The following STK17A variants were observed in gnomAD, a reference collection of about 807,000 sequenced individuals.
STK17A encodes the protein serine/threonine kinase 17a, also known as serine/threonine-protein kinase 17A.
A neutral mutation model predicts 43.7 loss-of-function variants in STK17A; 26 were observed. The observed-to-expected ratio is 0.60, with a 90% CI of 0.44 to 0.83. The LOEUF is 0.83. STK17A is among the 40% of genes least tolerant of loss of function. STK17A has a pLI of 0.00. For missense variants in STK17A, 476 were observed against 511.6 expected (o/e 0.93, Z 0.67); for synonymous variants, 191 against 182.5 (o/e 1.05, Z -0.38).
intron 3 of STK17A, among the ~76,000 whole-genome samples, chr7:43,610,536 G>A (rs186105892): frequency 2.7e-4 from 41 of 151,558 alleles, no homozygotes; most frequent in South Asian, 1.0e-3. Context: ...GTGTGGTGGC[G>A]CACGCCTATA....
intron 1 of STK17A, among the ~76,000 whole-genome samples, chr7:43,595,612 T>C (rs191838911): frequency 6.6e-6 from 1 of 152,224 alleles, no homozygotes; most frequent in East Asian, 1.9e-4. Flanking sequence ...TCATTTTATG[T>C]ATAAATGTGC....
chr7:43,624,127 A>G (rs1195208487), intron 6 of STK17A, among the ~76,000 whole-genome samples: 1 of 152,220 alleles, frequency 6.6e-6, no homozygotes, highest in Non-Finnish European at 1.5e-5. Flanking sequence ...ACCATACCTC[A>G]GTATAACAGG....
intron 2 of STK17A, among the ~76,000 whole-genome samples, chr7:43,600,252 A>G (rs937780791): frequency 1.3e-5 from 2 of 152,186 alleles, no homozygotes; most frequent in Non-Finnish European, 2.9e-5. Flanking sequence ...ACCTACCATG[A>G]TGCACCTAGC....
At chr7:43,613,512 C>CT (rs2083065091) in intron 3 of STK17A, among the ~76,000 whole-genome samples, 1 of 152,160 alleles carries the variant, frequency 6.6e-6, no homozygotes, top group Non-Finnish European at 1.5e-5. Flanking sequence ...GATTCTATCA[C>CT]TAACTTTTCC....
intron 1 of STK17A, among the ~76,000 whole-genome samples, chr7:43,592,528 A>C (rs1563143635): frequency 6.6e-6 from 1 of 152,234 alleles, no homozygotes; most frequent in East Asian, 1.9e-4. Context: ...GTAGTCTAGA[A>C]TGCTAGATCA....
rs75034758 is a variant in STK17A at position 43,606,887 on chromosome 7, A to G, written c.420-1369A>G. Among the ~76,000 whole-genome samples the G allele has an allele frequency of 5.6e-3, 807 of 143,518 alleles. 8 individuals are homozygous for G. The highest frequency in any genetic ancestry group is 0.02 in the African/African-American group (769 of 38,378). 94.2% of individuals were successfully genotyped at this position (143,518 alleles called of 152,430 possible). Reference sequence around the variant, plus strand: ...TTTGAGAGGAATGAATGTCATCTTAATGGTCACTCAATCTAGCTTTTCGAT... The same window carrying G: ...TTTGAGAGGAATGAATGTCATCTTAGTGGTCACTCAATCTAGCTTTTCGAT... On this transcript the variant is annotated intron_variant, in intron 2 of 6. Coordinates refer to ENST00000319357, the MANE Select transcript of STK17A (RefSeq NM_004760.3).
In STK17A at chr7:43,623,605, T is replaced by A; in HGVS notation, c.725T>A (p.Met242Lys). The change falls in exon 5 of 7, where the codon ATG (methionine) becomes AAG (lysine). Residue 242 changes from methionine to lysine, a missense_variant. Around this residue, in one of 3 missense-constraint regions of STK17A, gnomAD observed 320 missense variants for 326.3 expected, o/e 0.98. Coordinates refer to ENST00000319357, the MANE Select transcript of STK17A (RefSeq NM_004760.3). ...PEILSYDPIS[M>K]ATDMWSIGVL... ...ATTCTTAGTTATGATCCTATAAGCATGGCAACAGATATGTGGTAAGAGTTA... is the reference window on the plus strand; with the variant it reads ...ATTCTTAGTTATGATCCTATAAGCAAGGCAACAGATATGTGGTAAGAGTTA... 6.2e-7 allele frequency: 1 copy of A among 1,611,580 alleles called. No homozygotes were observed. The highest frequency in any genetic ancestry group is 2.2e-5 in the East Asian group (1 of 44,728).
At chr7:43,623,511 T>A (rs2084141872) in intron 4 of STK17A, 61 bp from the exon 5 acceptor site, 1 of 1,452,654 alleles carries the variant, frequency 6.9e-7, no homozygotes, top group Non-Finnish European at 9.5e-7. Flanking sequence ...TTTTATCTCT[T>A]AGAGCAAATT....
At chr7:43,622,994 A>C (rs2084079673) in intron 4 of STK17A, 1 of 151,986 alleles carries the variant, frequency 6.6e-6, no homozygotes, top group South Asian at 2.1e-4. Flanking sequence ...AAAGCATATT[A>C]TTTTTCTCAA....
intron 1 of STK17A, 53 bp from the exon 2 acceptor site, chr7:43,595,848 C>T: frequency 6.5e-7 from 1 of 1,531,396 alleles, no homozygotes; most frequent in South Asian, 1.2e-5. Flanking sequence ...TTGAAATCTG[C>T]CATCTCTGGA....
At position 43,587,019 on chromosome 7, in the gene STK17A, G is replaced by C. The variant is rs929515992; in HGVS notation, c.206+3570G>C. On this transcript the variant is annotated intron_variant, in intron 1 of 6. Transcript: ENST00000319357. Reference sequence around the variant, plus strand: ...TTTAAAAGTCTTGTGAGAGATAACAGAGCTGGGACTCCTGACTTTGAAATC... The same window carrying C: ...TTTAAAAGTCTTGTGAGAGATAACACAGCTGGGACTCCTGACTTTGAAATC... Among the ~76,000 whole-genome samples, 39 of 151,328 alleles carry C rather than the reference G, an allele frequency of 2.6e-4. 2 individuals are homozygous for C. The highest frequency in any genetic ancestry group is 1.3e-4 in the Non-Finnish European group (9 of 67,594).
At chr7:43,619,845 A>G in intron 4 of STK17A, 122 bp downstream of exon 4, 5 of 1,292,156 alleles carry the variant, frequency 3.9e-6, no homozygotes, top group Non-Finnish European at 5.3e-6. Context: ...CTACCATCAG[A>G]GATCTATTCC....
Position 43,610,346 on chromosome 7 carries a change from C to CAAAA in STK17A, c.564+1968_564+1971dup, listed in dbSNP as rs138859141. 3.3e-3 allele frequency among the ~76,000 whole-genome samples: 135 copies of CAAAA among 41,316 alleles called. 5 individuals are homozygous for CAAAA. Among genetic ancestry groups the CAAAA allele is most frequent in the African/African-American group, 0.013 (118 of 9,230 alleles). 27.1% of individuals were successfully genotyped at this position (41,316 alleles called of 152,430 possible). A position where few individuals can be genotyped will look rare whatever the true frequency, so the allele number is the denominator to read the frequency against. ...TGGGCAACAGAGCGAGACTCCGTCT[C>CAAAA]AAAAAAAAAAAAAAAAAAAAAAAAA... On this transcript the variant is annotated intron_variant, in intron 3 of 6. Coordinates refer to ENST00000319357, the MANE Select transcript of STK17A (RefSeq NM_004760.3).
intron 4 of STK17A, chr7:43,623,206 G>T (rs1381954550): frequency 1.0e-5 from 2 of 190,906 alleles, no homozygotes; most frequent in African/African-American, 4.8e-5. Flanking sequence ...ACGGGTGAGG[G>T]TGGGGCAATG....
intron 1 of STK17A, among the ~76,000 whole-genome samples, chr7:43,590,130 G>C (rs1164349322): frequency 6.6e-6 from 1 of 150,446 alleles, no homozygotes; most frequent in Non-Finnish European, 1.5e-5. Flanking sequence ...ATTTTTTGTA[G>C]TGACAAGATT....
rs1211251477 is a variant in STK17A, at chr7:43,626,983, T to C, written c.*2141T>C. ...CAGGGCATGAAGAGCCTTCATAGTA[T>C]TAGGCCAAATAAAATCTATTAATAA... On this transcript the variant is annotated 3_prime_UTR_variant, in exon 7 of 7. Coordinates refer to ENST00000319357, the MANE Select transcript of STK17A (RefSeq NM_004760.3). Among the ~76,000 whole-genome samples, 1 of 152,198 alleles carries C rather than the reference T, an allele frequency of 6.6e-6. No homozygotes were observed. The highest frequency in any genetic ancestry group is 1.5e-5 in the Non-Finnish European group (1 of 68,028).
At chr7:43,619,119 G>A (rs911236562) in intron 3 of STK17A, among the ~76,000 whole-genome samples, 4 of 152,198 alleles carry the variant, frequency 2.6e-5, no homozygotes, top group Non-Finnish European at 4.4e-5. Flanking sequence ...ATGCAAAATA[G>A]TCCCTGAAAG....
rs71011933 is a variant in STK17A, at chr7:43,606,916, CTT to C, written c.420-1317_420-1316del. ...TCACTCAATCTAGCTTTTCGATTTT[CTT>C]TTTTTTTTTTTTTTTTTTTTTTGAG... On this transcript the variant is annotated intron_variant, in intron 2 of 6. Transcript: ENST00000319357. Among the ~76,000 whole-genome samples, 22 of 62,636 alleles carry C rather than the reference CTT, an allele frequency of 3.5e-4. No homozygotes were observed. The South Asian group carries it at 3.9e-3, about 11-fold the overall frequency. The allele number at this position is 62,636 out of a possible 152,430, so 41.1% of individuals were successfully genotyped here.
intron 3 of STK17A, among the ~76,000 whole-genome samples, chr7:43,610,756 A>G (rs1398002684): frequency 2.6e-5 from 4 of 152,106 alleles, no homozygotes; most frequent in Non-Finnish European, 2.9e-5. Flanking sequence ...ATAAATTCAT[A>G]TATGTATATA....
Sources: allele counts gnomAD v4.1 joint callset (sites outside exome capture counted in the v4.1 genomes callset), GRCh38; gene constraint gnomAD v4.1.1; regional missense constraint gnomAD v4.1.1; transcripts MANE v1.5; gene names NCBI Gene and HGNC (gene_info 2026-07-23, HGNC 2026-07-21).